The following UBE2L3 variants were observed in gnomAD, a reference collection of about 807,000 sequenced individuals.
UBE2L3 encodes the protein ubiquitin conjugating enzyme E2 L3.
UBE2L3 carries 1 observed loss-of-function variant against 17.8 expected under a neutral mutation model. The ratio of observed to expected loss-of-function variants is 0.06; its 90% confidence interval spans 0.02 to 0.27. The LOEUF (loss-of-function observed/expected upper bound fraction) is 0.27. UBE2L3 is among the 10% of genes least tolerant of loss of function. The pLI is 1.00. For synonymous variants in UBE2L3, 44 were observed against 68.5 expected (o/e 0.64, Z 1.76); for missense variants, 40 against 192.6 (o/e 0.21, Z 4.69).
intron 3 of UBE2L3, 79 bp downstream of exon 3, chr22:21,611,122 C>G (rs1929449741): frequency 9.9e-6 from 14 of 1,420,322 alleles, no homozygotes; most frequent in Non-Finnish European, 1.3e-5. Flanking sequence ...GGTACCAGAT[C>G]AGACAGAATC....
intron 3 of UBE2L3, chr22:21,614,738 C>T (rs1317620462): frequency 3.1e-6 from 3 of 973,804 alleles, no homozygotes; most frequent in Non-Finnish European, 4.3e-6. Context: ...TTAGCTATAT[C>T]TACCCAAGAG....
rs149131604 is a variant in UBE2L3 at position 21,621,570 on chromosome 22, G to A, written c.366G>A (p.Arg122=). ...ACCCCCAGCCTGAGCACCCGCTTCGGGCTGACCTAGCTGAAGAATACTCTA... is the reference window on the plus strand; with the variant it reads ...ACCCCCAGCCTGAGCACCCGCTTCGAGCTGACCTAGCTGAAGAATACTCTA... The part of the protein sequence containing the change: ...VNDPQPEHPL[R]ADLAEEYSKD... The change falls in exon 4 of 4, where the codon CGG becomes CGA. Residue 122 remains arginine (R), a synonymous_variant. Coordinates refer to ENST00000342192, the MANE Select transcript of UBE2L3 (RefSeq NM_003347.4). 3.4e-5 allele frequency: 55 copies of A among 1,611,788 alleles called. No individual in the cohort carries two copies. In the African/African-American group the frequency reaches 5.5e-4, roughly 16 times the overall value.
intron 1 of UBE2L3, among the ~76,000 whole-genome samples, chr22:21,558,644 A>G (rs5998485): frequency 4.7e-5 from 7 of 149,250 alleles, no homozygotes; most frequent in African/African-American, 1.8e-4. Context: ...AAAAAAAAAA[A>G]AAAAACACTT....
At position 21,601,530 on chromosome 22, in the gene UBE2L3, G is replaced by A. The variant is rs1601427591; in HGVS notation, c.123+8574G>A. 2.0e-5 allele frequency among the ~76,000 whole-genome samples: 3 copies of A among 151,686 alleles called. No individual in the cohort carries two copies. The South Asian group carries it at 6.2e-4, about 32-fold the overall frequency. ...GGATTTCACCATGTTGGTCAGGCTG[G>A]TCTTGAACTCCTGACTTCAAGTGAT... On this transcript the variant is annotated intron_variant, in intron 2 of 3. Transcript: ENST00000342192.
At chr22:21,557,043 G>C (rs1205467688) in intron 1 of UBE2L3, among the ~76,000 whole-genome samples, 1 of 152,136 alleles carries the variant, frequency 6.6e-6, no homozygotes, top group Non-Finnish European at 1.5e-5. Context: ...AACAGAGTGA[G>C]AGTCTGAGTC....
chr22:21,556,257 T>C lies in UBE2L3; in HGVS notation c.201+6607T>C, dbSNP rs117666088. On this transcript the variant is annotated intron_variant, in intron 1 of 3. Transcript: ENST00000458578. ...AAAACAAACAAAAAAAGGCCAGGCATAGTGGCGTGTGCCTGTAGCCCCAGC... is the reference window on the plus strand; with the variant it reads ...AAAACAAACAAAAAAAGGCCAGGCACAGTGGCGTGTGCCTGTAGCCCCAGC... 7.9e-5 allele frequency among the ~76,000 whole-genome samples: 12 copies of C among 152,336 alleles called. No individual in the cohort carries two copies. The East Asian group carries it at 2.3e-3, about 29-fold the overall frequency.
At chr22:21,592,270 C>G (rs186814371) in intron 1 of UBE2L3, among the ~76,000 whole-genome samples, 15 of 151,850 alleles carry the variant, frequency 9.9e-5, no homozygotes, top group Admixed American at 3.9e-4. Flanking sequence ...CCCACCCCCC[C>G]ACTCCCACCC....
chr22:21,578,107 C>A (rs980056370), intron 1 of UBE2L3, among the ~76,000 whole-genome samples: 15 of 152,174 alleles, frequency 9.9e-5, no homozygotes, highest in Non-Finnish European at 1.6e-4. Context: ...CCTGTAATCT[C>A]AGCACTTTGG....
At chr22:21,610,534 G>A (rs1367549257) in intron 2 of UBE2L3, among the ~76,000 whole-genome samples, 2 of 152,194 alleles carry the variant, frequency 1.3e-5, no homozygotes, top group Non-Finnish European at 2.9e-5. Context: ...TGTGTGTTCA[G>A]GGGCAGGGGG....
At chr22:21,567,808 C>T (rs990257052) in intron 1 of UBE2L3, 37 bp downstream of exon 1, 1 of 1,568,642 alleles carries the variant, frequency 6.4e-7, no homozygotes, top group East Asian at 2.3e-5. Flanking sequence ...GGGCGTGGGG[C>T]GGCGTCCTAG....
chr22:21,615,357 C>T (rs991800982), intron 3 of UBE2L3, among the ~76,000 whole-genome samples: 9 of 151,784 alleles, frequency 5.9e-5, no homozygotes, highest in Admixed American at 2.6e-4. Flanking sequence ...AGATTGAGAC[C>T]ATCCTGGCTA....
intron 1 of UBE2L3, chr22:21,567,976 G>A: frequency 7.3e-7 from 1 of 1,370,362 alleles, no homozygotes; most frequent in Non-Finnish European, 9.4e-7. Flanking sequence ...GGCCGCGCTG[G>A]GAGCCGCTGT....
intron 1 of UBE2L3, among the ~76,000 whole-genome samples, chr22:21,582,253 G>C (rs2148411952): frequency 6.6e-6 from 1 of 152,048 alleles, no homozygotes; most frequent in Non-Finnish European, 1.5e-5. Flanking sequence ...GTCCTTTTAG[G>C]AGCTTGTTTC....
chr22:21,591,601 T>C (rs1928268587), intron 1 of UBE2L3, among the ~76,000 whole-genome samples: 1 of 152,224 alleles, frequency 6.6e-6, no homozygotes, highest in African/African-American at 2.4e-5. Context: ...TCCCTGCCTG[T>C]GTAGCCTCAG....
At chr22:21,590,910 G>A (rs1475133571) in intron 1 of UBE2L3, among the ~76,000 whole-genome samples, 1 of 151,832 alleles carries the variant, frequency 6.6e-6, no homozygotes, top group Non-Finnish European at 1.5e-5. Context: ...GAGCACCACT[G>A]TGAGCCAGGC....
chr22:21,556,699 C>T (rs1027449747), intron 1 of UBE2L3, among the ~76,000 whole-genome samples: 2 of 150,824 alleles, frequency 1.3e-5, no homozygotes, highest in Admixed American at 1.3e-4. Context: ...TGACCTCGAG[C>T]AATCCACCTG....
chr22:21,576,479 T>C lies in UBE2L3; in HGVS notation c.27+8708T>C, dbSNP rs182829829. 2.7e-3 allele frequency among the ~76,000 whole-genome samples: 415 copies of C among 152,104 alleles called. 3 individuals are homozygous for C. Among genetic ancestry groups the C allele is most frequent in the African/African-American group, 9.5e-3 (395 of 41,506 alleles). On this transcript the variant is annotated intron_variant, in intron 1 of 3. Coordinates refer to ENST00000342192, the MANE Select transcript of UBE2L3 (RefSeq NM_003347.4). ...TGCCCAGCTAATTTTTTTGTATTTTTAGTAGAGACGGGGTTTCACCATGTT... is the reference window on the plus strand; with the variant it reads ...TGCCCAGCTAATTTTTTTGTATTTTCAGTAGAGACGGGGTTTCACCATGTT...
At chr22:21,614,578 T>A (rs186477191) in intron 3 of UBE2L3, 1 of 1,367,612 alleles carries the variant, frequency 7.3e-7, no homozygotes, top group Admixed American at 1.9e-5. Flanking sequence ...TTCCCAATTA[T>A]GGCTTCTCTC....
At chr22:21,573,125 C>T (rs374761429) in intron 1 of UBE2L3, among the ~76,000 whole-genome samples, 3 of 152,120 alleles carry the variant, frequency 2.0e-5, no homozygotes, top group East Asian at 3.9e-4. Context: ...CCACACTACT[C>T]CTAACCAGCA....
Sources: gnomAD v4.1 joint callset for allele counts (sites outside exome capture counted in the v4.1 genomes callset) on GRCh38, gnomAD v4.1.1 for gene constraint, MANE v1.5 for transcripts, NCBI Gene and HGNC (gene_info 2026-07-23, HGNC 2026-07-21) for gene names.